Variants in NDC1 observed in about 807,000 individuals in gnomAD.
NDC1 encodes the protein nucleoporin NDC1.
A neutral mutation model predicts 89.8 loss-of-function variants in NDC1; 24 were observed. That is an observed-to-expected ratio of 0.27 (90% CI 0.19 to 0.38). The LOEUF is 0.38. Among genes scored for constraint, NDC1 ranks in the 10% least tolerant of loss-of-function variants. NDC1 has a pLI of 1.00. For missense variants in NDC1, 728 were observed against 797.6 expected (o/e 0.91, Z 1.05); for synonymous variants, 296 against 284.8 (o/e 1.04, Z -0.39).
At chr1:53,787,791 C>T (rs1647352690) in intron 15 of NDC1, among the ~76,000 whole-genome samples, 1 of 150,256 alleles carries the variant, frequency 6.7e-6, no homozygotes, top group Non-Finnish European at 1.5e-5. Flanking sequence ...AAATAACAGT[C>T]TCTGGCTTTA....
intron 13 of NDC1, 126 bp from the exon 14 acceptor site, chr1:53,793,405 AAAG>A: frequency 2.7e-6 from 2 of 746,602 alleles, no homozygotes; most frequent in Middle Eastern, 3.9e-4. Context: ...TCTTGTGGGC[AAAG>A]AATAATAATA....
chr1:53,791,115 C>T (rs1363078779), intron 14 of NDC1, among the ~76,000 whole-genome samples: 2 of 152,136 alleles, frequency 1.3e-5, no homozygotes, highest in Non-Finnish European at 2.9e-5. Context: ...AGCTTCTATA[C>T]GTAAGTAAGA....
At chr1:53,823,496 T>C (rs533754428) in intron 5 of NDC1, among the ~76,000 whole-genome samples, 3 of 152,332 alleles carry the variant, frequency 2.0e-5, no homozygotes, top group African/African-American at 7.2e-5. Flanking sequence ...GAAACAATAA[T>C]TTATCAGCAT....
At chr1:53,790,719 A>AAACAAC (rs373166493) in intron 14 of NDC1, among the ~76,000 whole-genome samples, 2 of 152,052 alleles carry the variant, frequency 1.3e-5, no homozygotes, top group African/African-American at 2.4e-5. Flanking sequence ...ATAAATAAAT[A>AAACAAC]AACAACAACA....
In NDC1 at chr1:53,838,279, G is replaced by GTCT; in HGVS notation, c.-21_-19dup. ...GTGGCCATGGAGATGGCGGCCCCTA[G>GTCT]TCTAGGGCGTACAGGAGACCGTGCG... On this transcript the variant is annotated 5_prime_UTR_variant, in exon 1 of 18. Transcript: ENST00000371429. 6.5e-7 allele frequency: 1 copy of GTCT among 1,533,832 alleles called. No homozygotes were observed. The highest frequency in any genetic ancestry group is 8.7e-7 in the Non-Finnish European group (1 of 1,143,400).
intron 15 of NDC1, among the ~76,000 whole-genome samples, chr1:53,788,260 C>CTCCA (rs1207582623): frequency 2.6e-5 from 4 of 152,122 alleles, no homozygotes; most frequent in African/African-American, 9.6e-5. Context: ...TGCCATTGAA[C>CTCCA]TCCAGCTTGG....
chr1:53,807,676 A>G lies in NDC1; in HGVS notation c.871T>C (p.Phe291Leu). The G allele has an allele frequency of 1.2e-6, 2 of 1,608,540 alleles. No homozygotes were observed. The highest frequency in any genetic ancestry group is 1.7e-5 in the Admixed American group (1 of 58,438). ...CATACCTCTGTGGCATAGATTTTGA[A>G]GAGTATCCATGAGACATACCAAGTC... ...LTTWYVSWIL[F>L]KIYATEAHVF... The change falls in exon 8 of 18, where the codon TTC becomes CTC. Residue 291 changes from phenylalanine to leucine, a missense_variant. Phe to Leu is a conservative substitution (Grantham distance 22, BLOSUM62 0). Coordinates refer to ENST00000371429, the MANE Select transcript of NDC1 (RefSeq NM_018087.5).
intron 1 of NDC1, among the ~76,000 whole-genome samples, chr1:53,835,942 C>A (rs1440327080): frequency 2.0e-5 from 3 of 152,114 alleles, no homozygotes; most frequent in Non-Finnish European, 4.4e-5. Context: ...TATATAAAGG[C>A]TGTACACATT....
chr1:53,784,897 G>A (rs1647267659), intron 16 of NDC1, among the ~76,000 whole-genome samples: 3 of 152,064 alleles, frequency 2.0e-5, no homozygotes, highest in Middle Eastern at 6.8e-3. Flanking sequence ...TACGGAGCTT[G>A]CAGTGAGCTG....
intron 16 of NDC1, 144 bp from the exon 17 acceptor site, chr1:53,772,633 A>G (rs902976941): frequency 3.5e-6 from 2 of 576,416 alleles, no homozygotes; most frequent in Non-Finnish European, 6.2e-6. Flanking sequence ...ACTGTACTCC[A>G]GACTGGGCGA....
At position 53,796,961 on chromosome 1, in the gene NDC1, T is replaced by C. The variant is rs773550804; in HGVS notation, c.1406A>G (p.Tyr469Cys). The change falls in exon 12 of 18, where the codon TAT becomes TGT. Residue 469 changes from tyrosine (Y) to cysteine (C), a missense_variant. Coordinates refer to ENST00000371429, the MANE Select transcript of NDC1 (RefSeq NM_018087.5). ...MAGIFDVNTC[Y>C]GSPQSPQLIR... Reference sequence around the variant, plus strand: ...TAGCTGAGGACTTTGCGGTGACCCATAGCAGGTGTTTACATCAAAAATTCC... The same window carrying C: ...TAGCTGAGGACTTTGCGGTGACCCACAGCAGGTGTTTACATCAAAAATTCC... 15 of 1,614,032 alleles carry C rather than the reference T, an allele frequency of 9.3e-6. No homozygotes were observed. The Admixed American group carries it at 1.5e-4, about 16-fold the overall frequency.
At chr1:53,774,704 C>A (rs1477136524) in intron 16 of NDC1, among the ~76,000 whole-genome samples, 5 of 152,040 alleles carry the variant, frequency 3.3e-5, no homozygotes, top group African/African-American at 1.2e-4. Context: ...GCCTGGGCAA[C>A]ACAGAAAGAC....
At chr1:53,796,614 T>A in intron 13 of NDC1, 75 bp downstream of exon 13, 1 of 868,098 alleles carries the variant, frequency 1.2e-6, no homozygotes, top group Non-Finnish European at 1.7e-6. Flanking sequence ...TTATTCCTGA[T>A]GACTTACTCA....
intron 6 of NDC1, among the ~76,000 whole-genome samples, chr1:53,818,543 C>G (rs1424121036): frequency 6.6e-6 from 1 of 152,072 alleles, no homozygotes; most frequent in Admixed American, 6.6e-5. Flanking sequence ...TTTTGCAAAA[C>G]TGAAACTCTA....
intron 17 of NDC1, among the ~76,000 whole-genome samples, chr1:53,768,708 C>T (rs1404659898): frequency 1.3e-5 from 2 of 152,046 alleles, no homozygotes; most frequent in Admixed American, 6.6e-5. Flanking sequence ...AATAGGTCAC[C>T]GCTTTTAAAA....
At chr1:53,786,222 G>A (rs190789074) in intron 16 of NDC1, among the ~76,000 whole-genome samples, 39 of 152,134 alleles carry the variant, frequency 2.6e-4, no homozygotes, top group Non-Finnish European at 2.2e-4. Flanking sequence ...CACTGCACCC[G>A]GCCTCCAGAT....
Position 53,772,438 on chromosome 1 carries a change from T to C in NDC1, c.1852A>G (p.Ile618Val). 6.2e-7 allele frequency: 1 copy of C among 1,613,658 alleles called. No individual in the cohort carries two copies. The highest frequency in any genetic ancestry group is 1.1e-5 in the South Asian group (1 of 91,024). The change falls in exon 17 of 18, where the codon ATT (isoleucine) becomes GTT (valine). Residue 618 changes from isoleucine to valine, a missense_variant. Transcript: ENST00000371429. Reference sequence around the variant, plus strand: ...GAAGTGTCCACAAGGCTTCCTGAAATCCGGGGTGGTTTACTGGAAGCATGA... The same window carrying C: ...GAAGTGTCCACAAGGCTTCCTGAAACCCGGGGTGGTTTACTGGAAGCATGA... The part of the protein sequence containing the change: ...LPHASSKPPR[I>V]SGSLVDTSYK...
At chr1:53,806,370 G>A (rs1162446062) in intron 9 of NDC1, 55 bp downstream of exon 9, 4 of 1,116,238 alleles carry the variant, frequency 3.6e-6, no homozygotes, top group African/African-American at 1.6e-5. Flanking sequence ...AATATTAAGT[G>A]TATTGAATAA....
chr1:53,809,879 A>C, intron 6 of NDC1, 133 bp from the exon 7 acceptor site: 2 of 665,574 alleles, frequency 3.0e-6, no homozygotes, highest in East Asian at 2.7e-5. Flanking sequence ...ACTTATTAGG[A>C]ATGAGTAGGA....
Sources: allele counts gnomAD v4.1 joint callset (sites outside exome capture counted in the v4.1 genomes callset), GRCh38; gene constraint gnomAD v4.1.1; transcripts MANE v1.5; gene names NCBI Gene and HGNC (gene_info 2026-07-23, HGNC 2026-07-21).